The following CGNL1 variants were observed in gnomAD, a reference collection of about 807,000 sequenced individuals.
The protein encoded by CGNL1 is cingulin-like protein 1.
A neutral mutation model predicts 141.2 loss-of-function variants in CGNL1; 132 were observed. The observed-to-expected ratio is 0.93, with a 90% confidence interval of 0.81 to 1.08. The LOEUF is 1.08. CGNL1 is among the 50% of genes least tolerant of loss of function. The pLI is 0.00. For missense variants in CGNL1, 1,870 were observed against 1,588.6 expected, an observed-to-expected ratio of 1.18 and a Z score of -3.01; for synonymous variants, 690 against 622.1, an observed-to-expected ratio of 1.11 and a Z score of -1.63.
At chr15:57,519,369 G>A (rs1177635256) in intron 10 of CGNL1, among the ~76,000 whole-genome samples, 2 of 152,126 alleles carry the variant, frequency 1.3e-5, no homozygotes, top group Admixed American at 1.3e-4. Flanking sequence ...GTTAAGAGCC[G>A]AGTCAGGTTC....
chr15:57,521,646 G>T (rs2031261593), intron 10 of CGNL1, among the ~76,000 whole-genome samples: 1 of 152,286 alleles, frequency 6.6e-6, no homozygotes, highest in East Asian at 1.9e-4. Context: ...GGGGTGGCAG[G>T]TGTTGGCAGG....
At chr15:57,500,337 G>A (rs557982362) in intron 8 of CGNL1, among the ~76,000 whole-genome samples, 1 of 152,296 alleles carries the variant, frequency 6.6e-6, no homozygotes, top group South Asian at 2.1e-4. Flanking sequence ...TCAGGGAGTG[G>A]GAGAGGAATT....
At chr15:57,427,771 C>G in intron 1 of CGNL1, among the ~76,000 whole-genome samples, 1 of 152,206 alleles carries the variant, frequency 6.6e-6, no homozygotes, top group African/African-American at 2.4e-5. Context: ...TCCACACCCC[C>G]CCATGCCTCC....
chr15:57,441,280 AG>A (rs1315592220), intron 3 of CGNL1, among the ~76,000 whole-genome samples: 4 of 152,230 alleles, frequency 2.6e-5, no homozygotes, highest in African/African-American at 4.8e-5. Flanking sequence ...AGATTAATCT[AG>A]CTAAGAACTG....
At chr15:57,483,295 A>C (rs1180064999) in intron 8 of CGNL1, among the ~76,000 whole-genome samples, 1 of 152,142 alleles carries the variant, frequency 6.6e-6, no homozygotes, top group Non-Finnish European at 1.5e-5. Context: ...CTAAACTTAT[A>C]CCTAAGGGTT....
intron 1 of CGNL1, among the ~76,000 whole-genome samples, chr15:57,395,213 G>C (rs72738039): frequency 6.6e-6 from 1 of 152,128 alleles, no homozygotes; most frequent in Non-Finnish European, 1.5e-5. Context: ...TAGTCAACTT[G>C]AATAACTTTT....
At chr15:57,442,182 G>GAAACAAAAAA (rs2063196518) in intron 3 of CGNL1, among the ~76,000 whole-genome samples, 191 bp from the exon 4 acceptor site, 1 of 96,528 alleles carries the variant, frequency 1.0e-5, no homozygotes, top group Non-Finnish European at 2.0e-5. Context: ...TCATTTATTT[G>GAAACAAAAAA]AAAAAAAAAA....
intron 10 of CGNL1, among the ~76,000 whole-genome samples, chr15:57,519,579 G>A (rs1483461612): frequency 1.3e-5 from 2 of 152,162 alleles, no homozygotes; most frequent in Non-Finnish European, 2.9e-5. Context: ...TGAGTTCAAT[G>A]TCTGACTGCC....
At chr15:57,518,549 C>T (rs184558014) in intron 10 of CGNL1, 52 bp downstream of exon 10, 79 of 1,223,930 alleles carry the variant, frequency 6.5e-5, no homozygotes, top group African/African-American at 3.1e-4. Flanking sequence ...TGCATAGAGA[C>T]GCAACACCAG....
chr15:57,415,605 C>T (rs2062839532), intron 1 of CGNL1, among the ~76,000 whole-genome samples: 1 of 152,210 alleles, frequency 6.6e-6, no homozygotes, highest in South Asian at 2.1e-4. Flanking sequence ...AAAAGTCTTC[C>T]AGATTCTACC....
At chr15:57,455,812 G>A (rs747228772) in intron 7 of CGNL1, among the ~76,000 whole-genome samples, 2 of 152,062 alleles carry the variant, frequency 1.3e-5, no homozygotes, top group African/African-American at 4.8e-5. Flanking sequence ...ATGGGATAAC[G>A]ATATGAGACT....
At chr15:57,485,215 T>G (rs1377080668) in intron 8 of CGNL1, among the ~76,000 whole-genome samples, 9 of 152,184 alleles carry the variant, frequency 5.9e-5, no homozygotes, top group Non-Finnish European at 1.0e-4. Context: ...TTCTAAGTGC[T>G]TGGGTGTTTG....
chr15:57,506,559 G>A (rs941828839), intron 8 of CGNL1, among the ~76,000 whole-genome samples: 21 of 152,194 alleles, frequency 1.4e-4, no homozygotes, highest in African/African-American at 5.1e-4. Flanking sequence ...TGTGGATGTA[G>A]CTGAAGCCCC....
chr15:57,425,602 A>G (rs1167908638), intron 1 of CGNL1, among the ~76,000 whole-genome samples: 1 of 151,930 alleles, frequency 6.6e-6, no homozygotes, highest in Non-Finnish European at 1.5e-5. Context: ...TTAGCCAGGC[A>G]TGGTGGCATG....
At chr15:57,515,591 C>T (rs1304578980) in intron 8 of CGNL1, among the ~76,000 whole-genome samples, 1 of 152,064 alleles carries the variant, frequency 6.6e-6, no homozygotes, top group African/African-American at 2.4e-5. Flanking sequence ...AAATGGAGGA[C>T]AGGTAAGAGA....
rs2033042735 is a variant in CGNL1, at chr15:57,550,011, A to G, written c.*2521A>G. ...GTTTGTGAGAAAGTAGCTGCCCCTCATTCTGGCCAGTTCTTTCCAGTAGCC... is the reference window on the plus strand; with the variant it reads ...GTTTGTGAGAAAGTAGCTGCCCCTCGTTCTGGCCAGTTCTTTCCAGTAGCC... On this transcript the variant is annotated 3_prime_UTR_variant, in exon 19 of 19. Coordinates refer to ENST00000281282, the MANE Select transcript of CGNL1 (RefSeq NM_032866.5). 6.6e-6 allele frequency: 1 copy of G among 152,226 alleles called. No individual in the cohort carries two copies. The highest frequency in any genetic ancestry group is 1.5e-5 in the Non-Finnish European group (1 of 68,038). The allele number at this position is 152,226 out of a possible 1,614,324, so 9.4% of individuals were successfully genotyped here.
chr15:57,543,702 C>T lies in CGNL1; in HGVS notation c.3298C>T (p.Gln1100Ter), dbSNP rs1395364308. The change falls in exon 15 of 19, where the codon CAG becomes TAG. Residue 1100 changes from glutamine to a stop codon, truncating the protein, a stop_gained. Transcript: ENST00000281282. LOFTEE classifies it high-confidence loss of function. ...RISRSREQME[Q>*]LRNELLQERA... ...TTTGTTCTGCTTGCTGTAGATGGAGCAGTTGAGGAATGAGCTACTTCAGGA... is the reference window on the plus strand; with the variant it reads ...TTTGTTCTGCTTGCTGTAGATGGAGTAGTTGAGGAATGAGCTACTTCAGGA... 1 of 1,613,164 alleles carries T rather than the reference C, an allele frequency of 6.2e-7. No homozygotes were observed. Among genetic ancestry groups the T allele is most frequent in the Admixed American group, 1.7e-5 (1 of 59,980 alleles).
At chr15:57,479,530 G>A (rs1380338452) in intron 8 of CGNL1, among the ~76,000 whole-genome samples, 1 of 152,174 alleles carries the variant, frequency 6.6e-6, no homozygotes, top group Non-Finnish European at 1.5e-5. Context: ...TGGGCATGGT[G>A]GTGCATGCTT....
At chr15:57,464,834 A>G (rs1396527975) in intron 8 of CGNL1, among the ~76,000 whole-genome samples, 1 of 149,274 alleles carries the variant, frequency 6.7e-6, no homozygotes, top group Non-Finnish European at 1.5e-5. Flanking sequence ...ACTGCAGCCT[A>G]CACCTCCCAG....
Sources: gnomAD v4.1 joint callset for allele counts (sites outside exome capture counted in the v4.1 genomes callset) on GRCh38, gnomAD v4.1.1 for gene constraint, MANE v1.5 for transcripts, NCBI Gene and HGNC (gene_info 2026-07-23, HGNC 2026-07-21) for gene names.